The following GAS7 variants were observed in gnomAD, a reference collection of about 807,000 sequenced individuals.
GAS7 encodes the protein growth arrest-specific protein 7.
GAS7 carries 28 observed loss-of-function variants against 71.1 expected under a neutral mutation model. The ratio of observed to expected loss-of-function variants is 0.39; its 90% CI spans 0.29 to 0.54. The LOEUF is 0.54. Among genes scored for constraint, GAS7 ranks in the 20% least tolerant of loss-of-function variants. GAS7 has a pLI of 0.62. For missense variants in GAS7, 436 were observed against 627.8 expected (o/e 0.69, Z 3.27); for synonymous variants, 258 against 245.8 (o/e 1.05, Z -0.46).
chr17:10,122,585 G>T (rs984076373), intron 1 of GAS7, among the ~76,000 whole-genome samples: 1 of 152,132 alleles, frequency 6.6e-6, no homozygotes, highest in Non-Finnish European at 1.5e-5. Context: ...CCATGAAGAG[G>T]GGGGTTGAAA....
At chr17:10,008,805 G>A (rs1022666474) in intron 2 of GAS7, among the ~76,000 whole-genome samples, 2 of 151,358 alleles carry the variant, frequency 1.3e-5, no homozygotes, top group Non-Finnish European at 2.9e-5. Flanking sequence ...ACGCACACAC[G>A]CACACGCACG....
intron 1 of GAS7, among the ~76,000 whole-genome samples, chr17:10,194,848 G>A (rs2074529420): frequency 8.4e-6 from 1 of 119,514 alleles, no homozygotes; most frequent in African/African-American, 3.3e-5. Context: ...AACAGTGCGA[G>A]ACTCTGTCTC....
intron 1 of GAS7, among the ~76,000 whole-genome samples, chr17:10,027,401 T>C (rs2072492877): frequency 6.6e-6 from 1 of 152,158 alleles, no homozygotes. Context: ...TCCCAGCTCT[T>C]AATGGATCTA....
intron 1 of GAS7, among the ~76,000 whole-genome samples, chr17:10,153,038 C>CAAAA (rs397857973): frequency 3.9e-5 from 3 of 76,026 alleles, no homozygotes; most frequent in African/African-American, 1.3e-4. Flanking sequence ...ACTAAAAATA[C>CAAAA]AAAAAAAAAA....
intron 2 of GAS7, among the ~76,000 whole-genome samples, chr17:9,985,313 G>A (rs1025713176): frequency 1.3e-5 from 2 of 152,134 alleles, no homozygotes; most frequent in Non-Finnish European, 2.9e-5. Flanking sequence ...AATCAATTCC[G>A]AAGTCCACTG....
At chr17:9,945,991 A>G (rs2068772872) in intron 6 of GAS7, among the ~76,000 whole-genome samples, 1 of 152,080 alleles carries the variant, frequency 6.6e-6, no homozygotes, top group Non-Finnish European at 1.5e-5. Context: ...GTCTCAAAAA[A>G]TCCATTCTTG....
In GAS7 at chr17:10,069,301, GAATCCTGCCA is replaced by G. The variant is rs552795509; in HGVS notation, c.184-49414_184-49405del. Among the ~76,000 whole-genome samples the G allele has an allele frequency of 2.0e-4, 30 of 152,290 alleles. No homozygotes were observed. The South Asian group carries it at 6.0e-3, about 31-fold the overall frequency. ...CCTTTTGTCTGCCCATCCAGTGGCA[GAATCCTGCCA>G]CTAAATCCTCAACAGGTGACAAGCC... On this transcript the variant is annotated intron_variant, in intron 1 of 13. Transcript: ENST00000432992.
rs1170106940 is a variant in GAS7, at chr17:10,009,008, TAACA to T, written c.304+10765_304+10768del. On this transcript the variant is annotated intron_variant, in intron 2 of 13. Transcript: ENST00000432992. ...AGTTAGAAAAGGATCCAATTATTTGTAACAAAGAAAAGTTAAAAGTGTTCTACTG... is the reference window on the plus strand; with the variant it reads ...AGTTAGAAAAGGATCCAATTATTTGTAAGAAAAGTTAAAAGTGTTCTACTG... Among the ~76,000 whole-genome samples the T allele has an allele frequency of 7.9e-5, 12 of 152,170 alleles. No homozygotes were observed. The East Asian group carries it at 1.2e-3, about 15-fold the overall frequency.
intron 1 of GAS7, among the ~76,000 whole-genome samples, chr17:10,044,924 G>A (rs1316553694): frequency 2.0e-5 from 3 of 151,890 alleles, no homozygotes; most frequent in Admixed American, 1.3e-4. Context: ...CATGGTGGTG[G>A]GCACCTGTAA....
At chr17:10,046,567 C>T (rs1190903830) in intron 1 of GAS7, among the ~76,000 whole-genome samples, 4 of 151,358 alleles carry the variant, frequency 2.6e-5, no homozygotes, top group Admixed American at 2.6e-4. Context: ...GAAACCTCGT[C>T]TCTACTAAAA....
At chr17:10,196,631 C>A (rs1234353168) in intron 1 of GAS7, among the ~76,000 whole-genome samples, 1 of 152,166 alleles carries the variant, frequency 6.6e-6, no homozygotes, top group East Asian at 1.9e-4. Context: ...ACCTACCCAG[C>A]CTCACCCCTA....
chr17:10,100,670 C>T (rs2073689601), intron 1 of GAS7, among the ~76,000 whole-genome samples: 1 of 152,192 alleles, frequency 6.6e-6, no homozygotes, highest in Non-Finnish European at 1.5e-5. Flanking sequence ...CAGGCTCCAT[C>T]TGAAAGCTGC....
intron 1 of GAS7, among the ~76,000 whole-genome samples, chr17:10,041,029 G>A (rs971929024): frequency 1.3e-5 from 2 of 152,216 alleles, no homozygotes; most frequent in African/African-American, 2.4e-5. Flanking sequence ...AGGCGTGGTG[G>A]TGTGCGCCTG....
chr17:10,066,845 T>A (rs1361079456), intron 1 of GAS7, among the ~76,000 whole-genome samples: 2 of 152,062 alleles, frequency 1.3e-5, no homozygotes, highest in African/African-American at 4.8e-5. Flanking sequence ...GACAGTGTAG[T>A]GGTGAAGAGA....
In GAS7 at chr17:10,126,813, G is replaced by A. The variant is rs1197778287; in HGVS notation, c.183+71395C>T. The stretch of plus-strand genomic sequence containing the variant: ...CAAGCCGGCTCTGACTCTAGTCCCA[G>A]TGAGAGCACAGCAGACAGTGAACCA... On this transcript the variant is annotated intron_variant, in intron 1 of 13. Coordinates refer to ENST00000432992, the MANE Select transcript of GAS7 (RefSeq NM_201433.2). Among the ~76,000 whole-genome samples the A allele has an allele frequency of 5.3e-5, 8 of 152,362 alleles. No homozygotes were observed. The South Asian group carries it at 8.3e-4, about 16-fold the overall frequency.
chr17:9,960,114 C>A (rs1056962559), intron 4 of GAS7, among the ~76,000 whole-genome samples: 1 of 152,180 alleles, frequency 6.6e-6, no homozygotes, highest in Non-Finnish European at 1.5e-5. Context: ...CACACAGCAA[C>A]CTGGGAAGCA....
chr17:10,023,974 A>G (rs1024856591), intron 1 of GAS7, among the ~76,000 whole-genome samples: 3 of 151,992 alleles, frequency 2.0e-5, no homozygotes, highest in African/African-American at 4.8e-5. Flanking sequence ...AAATACAAAA[A>G]TTAGCTGGGC....
At chr17:9,983,614 C>T (rs2070522795) in intron 2 of GAS7, among the ~76,000 whole-genome samples, 1 of 151,876 alleles carries the variant, frequency 6.6e-6, no homozygotes, top group Non-Finnish European at 1.5e-5. Context: ...TGGTGAAACC[C>T]GATCTCCACT....
chr17:9,963,632 T>A (rs2069589849), intron 4 of GAS7, among the ~76,000 whole-genome samples: 1 of 151,376 alleles, frequency 6.6e-6, no homozygotes, highest in African/African-American at 2.4e-5. Context: ...CTTTGAGAGG[T>A]TGAGGTGGAA....
Sources: gnomAD v4.1 joint callset for allele counts (sites outside exome capture counted in the v4.1 genomes callset) on GRCh38, gnomAD v4.1.1 for gene constraint, MANE v1.5 for transcripts, NCBI Gene and HGNC (gene_info 2026-07-23, HGNC 2026-07-21) for gene names.